CLIP2: variants seen among roughly 807,000 people sequenced by gnomAD.
CLIP2 encodes the protein CAP-Gly domain-containing linker protein 2.
A neutral mutation model predicts 111.7 loss-of-function variants in CLIP2; 41 were observed. The observed-to-expected ratio is 0.37, with a 90% CI of 0.29 to 0.48. The LOEUF is 0.48. Among genes scored for constraint, CLIP2 ranks in the 20% least tolerant of loss-of-function variants. CLIP2 has a pLI of 0.99. For missense variants in CLIP2, 1,160 were observed against 1,422.1 expected (o/e 0.82, Z 2.96); for synonymous variants, 660 against 644.2 (o/e 1.02, Z -0.37).
chr7:74,332,128 A>T (rs1255337565), intron 2 of CLIP2, among the ~76,000 whole-genome samples: 1 of 149,398 alleles, frequency 6.7e-6, no homozygotes, highest in African/African-American at 2.5e-5. Flanking sequence ...GGCTGGAGTG[A>T]AGTGATGCGA....
At chr7:74,361,508 C>T (rs974024257) in intron 7 of CLIP2, among the ~76,000 whole-genome samples, 31 of 151,992 alleles carry the variant, frequency 2.0e-4, no homozygotes, top group African/African-American at 6.0e-4. Context: ...TGAGCCACCG[C>T]GCCCAGCCTC....
intron 2 of CLIP2, among the ~76,000 whole-genome samples, chr7:74,335,988 C>A (rs1218319111): frequency 7.9e-6 from 1 of 126,512 alleles, no homozygotes; most frequent in Non-Finnish European, 1.8e-5. Context: ...GTGATCCGCC[C>A]GCCTCGGCCT....
At chr7:74,327,332 A>G (rs1367518448) in intron 2 of CLIP2, among the ~76,000 whole-genome samples, 3 of 151,892 alleles carry the variant, frequency 2.0e-5, no homozygotes, top group African/African-American at 7.3e-5. Context: ...CGAACTCCTG[A>G]TCTCAAGTGA....
intron 2 of CLIP2, among the ~76,000 whole-genome samples, chr7:74,330,918 T>C (rs1789258921): frequency 6.6e-6 from 1 of 151,680 alleles, no homozygotes; most frequent in Non-Finnish European, 1.5e-5. Flanking sequence ...CATATTAAGA[T>C]TTCTGGCTGG....
At chr7:74,337,196 A>G (rs1003108535) in intron 2 of CLIP2, among the ~76,000 whole-genome samples, 50 of 151,618 alleles carry the variant, frequency 3.3e-4, no homozygotes, top group African/African-American at 1.2e-3. Flanking sequence ...CCACCCTTCC[A>G]CTTTCCGGGG....
chr7:74,311,357 G>A (rs554970240), intron 1 of CLIP2, among the ~76,000 whole-genome samples: 5 of 152,204 alleles, frequency 3.3e-5, no homozygotes, highest in South Asian at 2.1e-4. Context: ...CCAACACTAC[G>A]AGCATTTCAG....
intron 3 of CLIP2, 29 bp downstream of exon 3, chr7:74,339,033 C>T (rs782227641): frequency 1.3e-6 from 2 of 1,564,576 alleles, no homozygotes; most frequent in Non-Finnish European, 1.7e-6. Context: ...GGGCTCTGGG[C>T]CCAGCTTCCC....
At chr7:74,372,834 CTCTCTCTT>C (rs1453640687) in intron 8 of CLIP2, 90 bp from the exon 9 acceptor site, 6 of 634,088 alleles carry the variant, frequency 9.5e-6, no homozygotes, top group Non-Finnish European at 8.1e-6. Flanking sequence ...CTCTCTCTCT[CTCTCTCTT>C]TCTCTCTCTC....
rs10648002 is a variant in CLIP2, at chr7:74,329,773, C to CTATTTATT, written c.122-8662_122-8655dup. Among the ~76,000 whole-genome samples, 448 of 150,100 alleles carry CTATTTATT rather than the reference C, an allele frequency of 3.0e-3. 2 individuals are homozygous for CTATTTATT. The highest frequency in any genetic ancestry group is 8.5e-3 in the African/African-American group (346 of 40,944). On this transcript the variant is annotated intron_variant, in intron 2 of 16. Coordinates refer to ENST00000223398, the MANE Select transcript of CLIP2 (RefSeq NM_003388.5). ...GGTCCCTCTTGGTTATTTTATTTAT[C>CTATTTATT]TATTTATTTATTTATTTATTATTTG...
intron 7 of CLIP2, among the ~76,000 whole-genome samples, chr7:74,361,278 T>G (rs930027903): frequency 4.7e-5 from 7 of 149,370 alleles, no homozygotes; most frequent in Admixed American, 6.7e-5. Context: ...AGTACAATGG[T>G]GCGATCTCGG....
intron 13 of CLIP2, among the ~76,000 whole-genome samples, chr7:74,392,525 A>G (rs1473947486): frequency 2.0e-5 from 3 of 151,816 alleles, no homozygotes; most frequent in African/African-American, 7.3e-5. Flanking sequence ...CCCTGTCTCA[A>G]AAAACAATAA....
chr7:74,316,308 C>T (rs1788772739), intron 1 of CLIP2, among the ~76,000 whole-genome samples: 1 of 151,124 alleles, frequency 6.6e-6, no homozygotes, highest in South Asian at 2.1e-4. Flanking sequence ...GCAGTGGTGC[C>T]GTCATAGCTC....
intron 2 of CLIP2, among the ~76,000 whole-genome samples, chr7:74,318,479 G>A (rs1303399344): frequency 2.0e-5 from 3 of 152,078 alleles, no homozygotes; most frequent in Admixed American, 6.6e-5. Flanking sequence ...TTGGGAGGCC[G>A]AGGTGGAAGG....
chr7:74,341,691 A>G (rs1789662318), intron 3 of CLIP2, among the ~76,000 whole-genome samples: 1 of 151,404 alleles, frequency 6.6e-6, no homozygotes, highest in Non-Finnish European at 1.5e-5. Flanking sequence ...ACTTGGACTC[A>G]AGCAATCCTC....
chr7:74,335,696 T>TCTC (rs1789432026), intron 2 of CLIP2, among the ~76,000 whole-genome samples: 1 of 151,070 alleles, frequency 6.6e-6, no homozygotes, highest in Non-Finnish European at 1.5e-5. Context: ...CCTTTCTCTT[T>TCTC]TTTTCTTTCT....
chr7:74,321,589 C>T (rs1382084820), intron 2 of CLIP2, among the ~76,000 whole-genome samples: 1 of 152,060 alleles, frequency 6.6e-6, no homozygotes, highest in African/African-American at 2.4e-5. Flanking sequence ...CTGTCTCAGC[C>T]TCCCAAGTAG....
rs1457529452 is a variant in CLIP2, at chr7:74,341,148, TGGATGG to T, written c.678+2148_678+2153del. ...ATGTGGTTTTATCATCCTCACTTTA[TGGATGG>T]GGAAACTGAGGCTCAGGGAAGTTTT... On this transcript the variant is annotated intron_variant, in intron 3 of 16. Transcript: ENST00000223398. 1.6e-4 allele frequency among the ~76,000 whole-genome samples: 24 copies of T among 152,224 alleles called. 1 individual carries two copies. The South Asian group carries it at 3.9e-3, about 25-fold the overall frequency.
chr7:74,380,993 A>G (rs1554313816), intron 11 of CLIP2, 130 bp downstream of exon 11: 1 of 857,012 alleles, frequency 1.2e-6, no homozygotes, highest in Admixed American at 1.8e-5. Flanking sequence ...GTGTGCTGTG[A>G]GCTATGTACT....
Position 74,301,549 on chromosome 7 carries a change from A to AT in CLIP2, c.-68+11829dup, listed in dbSNP as rs56384152. Among the ~76,000 whole-genome samples the AT allele has an allele frequency of 4.8e-3, 689 of 144,404 alleles. 7 individuals are homozygous for AT. Among genetic ancestry groups the AT allele is most frequent in the Middle Eastern group, 0.011 (3 of 274 alleles). 94.7% of individuals were successfully genotyped at this position (144,404 alleles called of 152,430 possible). A position where few individuals can be genotyped will look rare whatever the true frequency, so the allele number is the denominator to read the frequency against. ...AGGCACCCGCCACAATGCCCGGCTA[A>AT]TTTTTTTTTTTTTTGTATTTTTGGT... On this transcript the variant is annotated intron_variant, in intron 1 of 16. Transcript: ENST00000223398.
Sources: allele counts gnomAD v4.1 joint callset (sites outside exome capture counted in the v4.1 genomes callset), GRCh38; gene constraint gnomAD v4.1.1; transcripts MANE v1.5; gene names NCBI Gene and HGNC (gene_info 2026-07-23, HGNC 2026-07-21).